Variants in RAB38 observed in about 807,000 individuals in gnomAD.
RAB38 encodes the protein ras-related protein Rab-38.
RAB38 carries 15 observed loss-of-function variants against 18.4 expected under a neutral mutation model. The ratio of observed to expected loss-of-function variants is 0.82; its 90% CI spans 0.55 to 1.26. RAB38 has a LOEUF of 1.26. Ranked by LOEUF, RAB38 falls within the 50% of genes most tolerant of loss-of-function variation. The pLI, the probability that RAB38 is intolerant of heterozygous loss-of-function variation, is 0.00. For synonymous variants in RAB38, 101 were observed against 104.4 expected, an observed-to-expected ratio of 0.97 and a Z score of 0.20; for missense variants, 294 against 267.4, an observed-to-expected ratio of 1.10 and a Z score of -0.69.
the RAB38 span, among the ~76,000 whole-genome samples, chr11:87,878,971 ATTTT>A: frequency 0.071 from 9,453 of 133,742 alleles, 906 homozygotes; most frequent in African/African-American, 0.22. Flanking sequence ...GCAATTACTG[ATTTT>A]TTTTTTTTTT....
the RAB38 span, among the ~76,000 whole-genome samples, chr11:88,103,053 A>G: frequency 2.6e-5 from 4 of 151,944 alleles, no homozygotes; most frequent in Non-Finnish European, 5.9e-5. Context: ...ATTTTGACAT[A>G]TATCCTATTT....
chr11:88,065,680 A>C, the RAB38 span, among the ~76,000 whole-genome samples: 1 of 152,212 alleles, frequency 6.6e-6, no homozygotes, highest in African/African-American at 2.4e-5. Context: ...TTATTACTCT[A>C]CAAATGCACA....
chr11:88,171,701 T>G (rs547764859), intron 1 of RAB38, among the ~76,000 whole-genome samples: 39 of 152,290 alleles, frequency 2.6e-4, no homozygotes, highest in Non-Finnish European at 4.9e-4. Context: ...CCTATAAATG[T>G]CCCAATGCCT....
At chr11:87,853,421 A>T in the RAB38 span, among the ~76,000 whole-genome samples, 29,070 of 152,160 alleles carry the variant, frequency 0.19, 3,464 homozygotes, top group African/African-American at 0.32. Flanking sequence ...GAAGGTGGCT[A>T]TCTGAAAGCC....
chr11:87,891,058 T>A, the RAB38 span, among the ~76,000 whole-genome samples: 1 of 151,796 alleles, frequency 6.6e-6, no homozygotes, highest in South Asian at 2.1e-4. Context: ...CTAGATTAGG[T>A]TGGTTCACAA....
At chr11:87,807,082 G>A in the RAB38 span, among the ~76,000 whole-genome samples, 1 of 152,134 alleles carries the variant, frequency 6.6e-6, no homozygotes, top group Non-Finnish European at 1.5e-5. Flanking sequence ...ATTGTGAGCT[G>A]TGTATGCAAG....
the RAB38 span, among the ~76,000 whole-genome samples, chr11:87,916,679 A>G: frequency 6.6e-6 from 1 of 152,104 alleles, no homozygotes; most frequent in African/African-American, 2.4e-5. Context: ...GACTGAGACA[A>G]TTATTATGTC....
chr11:87,909,923 A>G, the RAB38 span, among the ~76,000 whole-genome samples: 7 of 152,110 alleles, frequency 4.6e-5, no homozygotes, highest in African/African-American at 1.7e-4. Flanking sequence ...CTTAAATAAC[A>G]CGGAGTGGAA....
chr11:88,004,008 G>T, the RAB38 span, among the ~76,000 whole-genome samples: 26 of 130,246 alleles, frequency 2.0e-4, no homozygotes, highest in Admixed American at 3.4e-4. Flanking sequence ...TATAAAAAAG[G>T]TATATGTACC....
At chr11:88,119,339 G>A (rs1004629279) in intron 2 of RAB38, among the ~76,000 whole-genome samples, 1 of 151,932 alleles carries the variant, frequency 6.6e-6, no homozygotes, top group Non-Finnish European at 1.5e-5. Flanking sequence ...TCTAAAAGTT[G>A]AAATTTAAAC....
the RAB38 span, among the ~76,000 whole-genome samples, chr11:88,088,921 G>C: frequency 1.4e-5 from 2 of 145,060 alleles, no homozygotes; most frequent in Admixed American, 6.9e-5. Context: ...TAATAGAGTT[G>C]GAGGAGAAAA....
chr11:87,896,424 T>C, the RAB38 span, among the ~76,000 whole-genome samples: 1 of 151,606 alleles, frequency 6.6e-6, no homozygotes. Context: ...GCAACACATC[T>C]AGGAGAAAGA....
At chr11:87,949,985 TG>T in the RAB38 span, among the ~76,000 whole-genome samples, 13 of 152,150 alleles carry the variant, frequency 8.5e-5, no homozygotes, top group Non-Finnish European at 1.5e-4. Flanking sequence ...ATGTTGACAG[TG>T]GGGTGTTAAA....
At chr11:88,024,138 AT>A in the RAB38 span, among the ~76,000 whole-genome samples, 1 of 152,160 alleles carries the variant, frequency 6.6e-6, no homozygotes, top group African/African-American at 2.4e-5. Flanking sequence ...ATATTTACCT[AT>A]TACCCATCTG....
At chr11:88,140,311 A>G (rs2134811236) in intron 2 of RAB38, among the ~76,000 whole-genome samples, 1 of 152,344 alleles carries the variant, frequency 6.6e-6, no homozygotes, top group African/African-American at 2.4e-5. Context: ...TGGGAACTAC[A>G]GCAATAAATT....
the RAB38 span, among the ~76,000 whole-genome samples, chr11:88,041,071 GT>G: frequency 1.3e-5 from 2 of 152,142 alleles, no homozygotes; most frequent in African/African-American, 2.4e-5. Context: ...CTCCAGAGAA[GT>G]TTCCAGTATG....
At chr11:87,976,310 A>C in the RAB38 span, among the ~76,000 whole-genome samples, 1 of 140,358 alleles carries the variant, frequency 7.1e-6, no homozygotes. Flanking sequence ...ATATATATAC[A>C]CATATACCAG....
the RAB38 span, among the ~76,000 whole-genome samples, chr11:87,823,677 C>A: frequency 6.6e-6 from 1 of 151,766 alleles, no homozygotes; most frequent in East Asian, 1.9e-4. Context: ...TTTTTTTCAA[C>A]AAATGGAACG....
At chr11:87,851,817 C>A in the RAB38 span, among the ~76,000 whole-genome samples, 2 of 152,078 alleles carry the variant, frequency 1.3e-5, no homozygotes, top group African/African-American at 4.8e-5. Flanking sequence ...CTGAAGTACC[C>A]TTGTAGGGGA....
Sources: gnomAD v4.1 joint callset for allele counts (sites outside exome capture counted in the v4.1 genomes callset) on GRCh38, gnomAD v4.1.1 for gene constraint, MANE v1.5 for transcripts, NCBI Gene and HGNC (gene_info 2026-07-23, HGNC 2026-07-21) for gene names.